Variants in SH3GL3 observed in about 807,000 individuals in gnomAD.
SH3GL3 encodes endophilin-A3.
In SH3GL3, 33 loss-of-function variants were observed where a neutral mutation model predicts 47.7. The ratio of observed to expected loss-of-function variants is 0.69; its 90% confidence interval spans 0.52 to 0.92. The LOEUF (loss-of-function observed/expected upper bound fraction) is 0.92, where lower values mean the gene tolerates loss of function less well. Ranked by LOEUF, SH3GL3 falls within the 40% of genes least tolerant of loss-of-function variation. SH3GL3 has a pLI of 0.00. For missense variants in SH3GL3, 363 were observed against 417.8 expected (o/e 0.87, Z 1.14); for synonymous variants, 155 against 148.8 (o/e 1.04, Z -0.30).
intron 1 of SH3GL3, among the ~76,000 whole-genome samples, chr15:83,491,410 T>A (rs78394908): frequency 6.6e-6 from 1 of 152,358 alleles, no homozygotes; most frequent in East Asian, 1.9e-4. Flanking sequence ...GAGTCTTGGC[T>A]TTCTTTTTTT....
chr15:83,541,408 A>G (rs1310195127), intron 1 of SH3GL3, among the ~76,000 whole-genome samples: 2 of 129,142 alleles, frequency 1.5e-5, no homozygotes, highest in Non-Finnish European at 3.1e-5. Context: ...ATCTCGGCTC[A>G]CTGCAAGCTC....
intron 1 of SH3GL3, among the ~76,000 whole-genome samples, chr15:83,552,889 A>G (rs1477553950): frequency 1.3e-5 from 2 of 152,196 alleles, no homozygotes; most frequent in African/African-American, 2.4e-5. Flanking sequence ...AGTGGAAACA[A>G]TATCATTATT....
intron 1 of SH3GL3, among the ~76,000 whole-genome samples, chr15:83,496,241 C>T (rs1004097863): frequency 2.6e-5 from 4 of 151,708 alleles, no homozygotes; most frequent in Middle Eastern, 6.8e-3. Context: ...TGCCTGTAGT[C>T]TCAGCTACTC....
At position 83,447,591 on chromosome 15, in the gene SH3GL3, A is replaced by G; in HGVS notation, c.45+13A>G. The G allele has an allele frequency of 6.7e-7, 1 of 1,494,178 alleles. No homozygotes were observed. Among genetic ancestry groups the G allele is most frequent in the Non-Finnish European group, 9.0e-7 (1 of 1,116,594 alleles). The allele number at this position is 1,494,178 out of a possible 1,614,324, so 92.6% of individuals were successfully genotyped here. On this transcript the variant is annotated intron_variant, in intron 1 of 8. Coordinates refer to ENST00000427482, the MANE Select transcript of SH3GL3 (RefSeq NM_003027.5). This position sits in a 1 kb window ranked among gnomAD's most constrained non-coding sequence, Gnocchi z 5.1. The stretch of plus-strand genomic sequence containing the variant: ...CAAAGCCAGCCAGGTAGGGAGGCGC[A>G]GAGGAGGGAAGGAGGGAGGGGGACG...
Position 83,587,097 on chromosome 15 carries a change from C to G in SH3GL3, c.728+11C>G, listed in dbSNP as rs2059975925. 1 of 1,505,398 alleles carries G rather than the reference C, an allele frequency of 6.6e-7. No individual in the cohort carries two copies. Among genetic ancestry groups the G allele is most frequent in the Non-Finnish European group, 9.2e-7 (1 of 1,088,754 alleles). 93.3% of individuals were successfully genotyped at this position (1,505,398 alleles called of 1,614,324 possible). On this transcript the variant is annotated intron_variant, in intron 7 of 8. Transcript: ENST00000427482. The stretch of plus-strand genomic sequence containing the variant: ...CAAGCTACAGATGCGGTAAGCACCT[C>G]CACGTTTCTTACAAGCCAAGGGCTG...
intron 1 of SH3GL3, among the ~76,000 whole-genome samples, chr15:83,451,874 C>T: frequency 1.3e-5 from 1 of 76,540 alleles, no homozygotes; most frequent in African/African-American, 5.6e-5. Context: ...GACATGAAGT[C>T]CTTGCCCACG....
At chr15:83,474,895 G>C (rs942021854) in intron 1 of SH3GL3, among the ~76,000 whole-genome samples, 7 of 152,080 alleles carry the variant, frequency 4.6e-5, no homozygotes, top group African/African-American at 1.7e-4. Context: ...CAGAAGGCAG[G>C]CTTTGAAATG....
intron 2 of SH3GL3, among the ~76,000 whole-genome samples, chr15:83,561,409 T>C (rs2045264094): frequency 6.6e-6 from 1 of 152,146 alleles, no homozygotes; most frequent in East Asian, 1.9e-4. Context: ...TGAGTGACAA[T>C]TCTGTATGTC....
At chr15:83,583,290 G>A (rs922902566) in intron 6 of SH3GL3, among the ~76,000 whole-genome samples, 1 of 152,110 alleles carries the variant, frequency 6.6e-6, no homozygotes, top group African/African-American at 2.4e-5. Flanking sequence ...TTACTCACCC[G>A]GCTGCTCACC....
chr15:83,487,287 G>A (rs891318573), intron 1 of SH3GL3, among the ~76,000 whole-genome samples: 5 of 147,176 alleles, frequency 3.4e-5, no homozygotes, highest in East Asian at 2.0e-4. Flanking sequence ...TAGTTCAGTC[G>A]TCCCATCTTT....
intron 1 of SH3GL3, among the ~76,000 whole-genome samples, chr15:83,519,504 C>T (rs745472919): frequency 2.0e-5 from 3 of 152,092 alleles, no homozygotes; most frequent in Non-Finnish European, 4.4e-5. Flanking sequence ...CTGATTTTTG[C>T]GCATTGATTT....
At chr15:83,464,086 C>A (rs1280427529) in intron 1 of SH3GL3, among the ~76,000 whole-genome samples, 1 of 152,112 alleles carries the variant, frequency 6.6e-6, no homozygotes. Flanking sequence ...CTATTGTCTT[C>A]TCAACCTATT....
At position 83,538,825 on chromosome 15, in the gene SH3GL3, A is replaced by G. The variant is rs114840420; in HGVS notation, c.46-20428A>G. Among the ~76,000 whole-genome samples the G allele has an allele frequency of 9.2e-3, 1,405 of 152,282 alleles. 14 individuals are homozygous for G. The highest frequency in any genetic ancestry group is 0.032 in the African/African-American group (1,329 of 41,540). On this transcript the variant is annotated intron_variant, in intron 1 of 8. Coordinates refer to ENST00000427482, the MANE Select transcript of SH3GL3 (RefSeq NM_003027.5). The stretch of plus-strand genomic sequence containing the variant: ...TTATTATGAGTAATACTATTTTTAC[A>G]TGGATTTTGGTGCACATATGTAGGA...
intron 1 of SH3GL3, among the ~76,000 whole-genome samples, chr15:83,495,096 C>A (rs2042028849): frequency 6.6e-6 from 1 of 152,028 alleles, no homozygotes; most frequent in South Asian, 2.1e-4. Flanking sequence ...TGCTGTGGTC[C>A]CCCCGGTTCT....
intron 2 of SH3GL3, among the ~76,000 whole-genome samples, chr15:83,561,413 G>C (rs1483566186): frequency 6.6e-6 from 1 of 152,128 alleles, no homozygotes; most frequent in African/African-American, 2.4e-5. Context: ...TGACAATTCT[G>C]TATGTCAAAA....
intron 1 of SH3GL3, among the ~76,000 whole-genome samples, chr15:83,497,219 G>C (rs143877928): frequency 1.3e-5 from 2 of 152,040 alleles, no homozygotes; most frequent in East Asian, 3.9e-4. Flanking sequence ...TTGAAGACCC[G>C]TTACAGCCCC....
chr15:83,449,891 T>C (rs776771846), intron 1 of SH3GL3, among the ~76,000 whole-genome samples: 1 of 152,226 alleles, frequency 6.6e-6, no homozygotes, highest in Non-Finnish European at 1.5e-5. Context: ...AACAATTTGG[T>C]GGAGAAATCA....
intron 7 of SH3GL3, 79 bp from the exon 8 acceptor site, chr15:83,588,583 C>T: frequency 2.2e-6 from 2 of 892,456 alleles, no homozygotes; most frequent in South Asian, 2.8e-5. Flanking sequence ...AGTTCCTGTG[C>T]TCAACAAGGC....
chr15:83,483,073 A>C (rs543492351), intron 1 of SH3GL3, among the ~76,000 whole-genome samples: 1 of 152,022 alleles, frequency 6.6e-6, no homozygotes, highest in Non-Finnish European at 1.5e-5. Context: ...GATTTCTCCA[A>C]TTGGTTCTCT....
Sources: allele counts gnomAD v4.1 joint callset (sites outside exome capture counted in the v4.1 genomes callset), GRCh38; gene constraint gnomAD v4.1.1; non-coding constraint Gnocchi (gnomAD v3.1); transcripts MANE v1.5; gene names NCBI Gene and HGNC (gene_info 2026-07-23, HGNC 2026-07-21).